Variants in CDKL4 observed in about 807,000 individuals in gnomAD.
CDKL4 encodes cyclin dependent kinase like 4.
A neutral mutation model predicts 42.0 loss-of-function variants in CDKL4; 44 were observed. The ratio of observed to expected loss-of-function variants is 1.05; its 90% CI spans 0.82 to 1.35. The LOEUF is 1.35. Among genes scored for constraint, CDKL4 ranks in the 40% most tolerant of loss-of-function variants. The probability of loss-of-function intolerance (pLI) is 0.00; values close to 1 mark genes in which losing one functional copy is unlikely to be tolerated. For synonymous variants in CDKL4, 120 were observed against 121.6 expected, an observed-to-expected ratio of 0.99 and a Z score of 0.09; for missense variants, 393 against 369.9, an observed-to-expected ratio of 1.06 and a Z score of -0.51.
intron 1 of CDKL4, among the ~76,000 whole-genome samples, chr2:39,233,128 C>T (rs1008086819): frequency 6.6e-6 from 1 of 150,998 alleles, no homozygotes; most frequent in Non-Finnish European, 1.5e-5. Flanking sequence ...TGAGCTCCCA[C>T]TGTAAACCTT....
intron 2 of CDKL4, among the ~76,000 whole-genome samples, chr2:39,228,900 C>T (rs982812601): frequency 6.6e-6 from 1 of 152,130 alleles, no homozygotes; most frequent in African/African-American, 2.4e-5. Context: ...AAAATGTGTA[C>T]GTTACCGGGG....
chr2:39,217,744 ATTTT>A (rs1201344860), intron 3 of CDKL4, among the ~76,000 whole-genome samples: 30 of 138,812 alleles, frequency 2.2e-4, no homozygotes, highest in African/African-American at 9.1e-4. Context: ...TTATTTATTT[ATTTT>A]TTGAGATAGA....
intron 5 of CDKL4, among the ~76,000 whole-genome samples, chr2:39,200,523 C>G (rs1676784231): frequency 1.3e-5 from 2 of 151,900 alleles, no homozygotes; most frequent in African/African-American, 4.8e-5. Context: ...AAAGAGCCCA[C>G]TAGCCAGAGC....
At chr2:39,199,671 G>C (rs1676731914) in intron 5 of CDKL4, among the ~76,000 whole-genome samples, 1 of 152,076 alleles carries the variant, frequency 6.6e-6, no homozygotes. Flanking sequence ...CAGGGATGCA[G>C]GGATGGTTTA....
intron 5 of CDKL4, among the ~76,000 whole-genome samples, chr2:39,196,170 T>G (rs1424356701): frequency 6.6e-6 from 1 of 152,072 alleles, no homozygotes; most frequent in Non-Finnish European, 1.5e-5. Flanking sequence ...TCAACCAACA[T>G]AAAACTAGTG....
intron 2 of CDKL4, among the ~76,000 whole-genome samples, chr2:39,226,210 C>G (rs1678703542): frequency 6.6e-6 from 1 of 151,186 alleles, no homozygotes; most frequent in South Asian, 2.1e-4. Context: ...ATAAAATAAC[C>G]TGAGTAGAAA....
rs1297083895 is a variant in CDKL4 at position 39,176,101 on chromosome 2, T to C, written c.928-5A>G. The C allele has an allele frequency of 1.7e-5, 8 of 466,566 alleles. 1 individual carries two copies. Among genetic ancestry groups the C allele is most frequent in the African/African-American group, 4.0e-5 (2 of 49,794 alleles). The allele number at this position is 466,566 out of a possible 1,614,324, so 28.9% of individuals were successfully genotyped here. A position where few individuals can be genotyped will look rare whatever the true frequency, so the allele number is the denominator to read the frequency against. On this transcript the variant is annotated splice_region_variant and splice_polypyrimidine_tract_variant and intron_variant, in intron 9 of 9. Coordinates refer to ENST00000451199, the Ensembl canonical transcript of CDKL4. ...TATGAGAGGCAACAGTTGATTCTAA[T>C]AGCAGAACAAGACAACAATAAGAAA... is the stretch of plus-strand genomic sequence containing the variant.
intron 1 of CDKL4, among the ~76,000 whole-genome samples, chr2:39,231,452 A>T (rs1679087640): frequency 6.6e-6 from 1 of 152,232 alleles, no homozygotes; most frequent in African/African-American, 2.4e-5. Context: ...ATAAAAATAT[A>T]CAATGGAGAA....
At position 39,204,384 on chromosome 2, in the gene CDKL4, A is replaced by C. The variant is rs887623233; in HGVS notation, c.454+143T>G. 1.7e-5 allele frequency: 11 copies of C among 642,996 alleles called. 1 individual carries two copies. The African/African-American group carries it at 2.1e-4, about 12-fold the overall frequency. The allele number at this position is 642,996 out of a possible 1,614,324, so 39.8% of individuals were successfully genotyped here. A position where few individuals can be genotyped will look rare whatever the true frequency, so the allele number is the denominator to read the frequency against. Reference sequence around the variant, plus strand: ...AGTTGAAGTGCAAACGAATGTACTGACTAAAAGGCTAAAGTGAGATTTTCC... The same window carrying C: ...AGTTGAAGTGCAAACGAATGTACTGCCTAAAAGGCTAAAGTGAGATTTTCC... On this transcript the variant is annotated intron_variant, in intron 5 of 9. Transcript: ENST00000451199.
intron 2 of CDKL4, among the ~76,000 whole-genome samples, chr2:39,226,653 G>A (rs1271234847): frequency 6.6e-6 from 1 of 151,616 alleles, no homozygotes; most frequent in Admixed American, 6.6e-5. Flanking sequence ...TCACTACAGC[G>A]ATTAGATAAT....
chr2:39,205,516 T>G (rs1677107572), intron 4 of CDKL4, among the ~76,000 whole-genome samples: 1 of 151,092 alleles, frequency 6.6e-6, no homozygotes, highest in African/African-American at 2.4e-5. Flanking sequence ...AATCCAGCAC[T>G]TTGGGAGGCC....
At chr2:39,175,242 A>G (rs1214825841), downstream of CDKL4, among the ~76,000 whole-genome samples, 3 of 152,200 alleles carry the variant, frequency 2.0e-5, no homozygotes, top group Non-Finnish European at 4.4e-5. Context: ...GGCTTGGGTC[A>G]TGAGATGACT....
upstream of CDKL4, among the ~76,000 whole-genome samples, chr2:39,244,417 G>A (rs994793265): frequency 4.6e-5 from 7 of 152,346 alleles, no homozygotes; most frequent in African/African-American, 1.7e-4. Context: ...CTTAGCACCC[G>A]GGCCAGCGGC....
At chr2:39,229,441 GCTA>G (rs1678962197) in exon 2 of CDKL4, 3 of 1,612,946 alleles carry the variant, frequency 1.9e-6, no homozygotes, top group African/African-American at 1.3e-5. Context: ...TTTTTTAACA[GCTA>G]CTACTTGTCC....
chr2:39,237,927 A>T (rs1303196535), intron 1 of CDKL4, among the ~76,000 whole-genome samples: 3 of 152,240 alleles, frequency 2.0e-5, no homozygotes, highest in Non-Finnish European at 2.9e-5. Flanking sequence ...ACAATTTGAA[A>T]ATAAAGTTAA....
chr2:39,229,502 C>T lies in CDKL4; in HGVS notation c.31G>A (p.Gly11Arg), dbSNP rs866903206. Residue 11 changes from glycine (G) to arginine (R), a missense_variant, in exon 2 of 10, where the codon GGA becomes AGA. Transcript: ENST00000451199. ...AATACAACCCCATAAGACCCTTCTC[C>T]AGTCTTAGCTAATTTTTCATACTTT... 2.5e-6 allele frequency: 4 copies of T among 1,608,070 alleles called. No individual in the cohort carries two copies. The African/African-American group carries it at 4.0e-5, about 16-fold the overall frequency.
chr2:39,213,440 C>A, exon 4 of CDKL4: 1 of 1,611,200 alleles, frequency 6.2e-7, no homozygotes, highest in Non-Finnish European at 8.5e-7. Flanking sequence ...AAGTGTTTGC[C>A]ATAATACGCT....
chr2:39,191,147 C>A (rs1021003843), intron 5 of CDKL4, among the ~76,000 whole-genome samples: 4 of 152,154 alleles, frequency 2.6e-5, no homozygotes, highest in Non-Finnish European at 4.4e-5. Context: ...GCCTCTCATC[C>A]CAGCACTTTG....
At chr2:39,180,254 C>G (rs755662160) in intron 8 of CDKL4, among the ~76,000 whole-genome samples, 12 of 152,240 alleles carry the variant, frequency 7.9e-5, no homozygotes, top group Admixed American at 2.0e-4. Context: ...TTACAATACA[C>G]AGGCACAGAC....
Sources: gnomAD v4.1 joint callset for allele counts (sites outside exome capture counted in the v4.1 genomes callset) on GRCh38, gnomAD v4.1.1 for gene constraint, MANE v1.5 for transcripts, NCBI Gene and HGNC (gene_info 2026-07-23, HGNC 2026-07-21) for gene names.